Variants in ENOX1 observed in about 807,000 individuals in gnomAD.
The protein encoded by ENOX1 is candidate growth-related and time keeping constitutive hydroquinone (NADH) oxidase.
A neutral mutation model predicts 82.5 loss-of-function variants in ENOX1; 42 were observed. That is an observed-to-expected ratio of 0.51 (90% confidence interval 0.40 to 0.66). ENOX1 has a LOEUF of 0.66. ENOX1 is among the 30% of genes least tolerant of loss of function. ENOX1 has a pLI of 0.00. For synonymous variants in ENOX1, 271 were observed against 282.2 expected, an observed-to-expected ratio of 0.96 and a Z score of 0.40; for missense variants, 608 against 811.6, an observed-to-expected ratio of 0.75 and a Z score of 3.05.
At chr13:43,558,631 T>C (rs2079540816) in intron 2 of ENOX1, among the ~76,000 whole-genome samples, 2 of 152,194 alleles carry the variant, frequency 1.3e-5, no homozygotes, top group Admixed American at 6.5e-5. Flanking sequence ...AGGAGACACT[T>C]CTACATTTCA....
intron 2 of ENOX1, chr13:43,546,859 T>G (rs1339684031): frequency 2.0e-5 from 3 of 152,214 alleles, no homozygotes; most frequent in Non-Finnish European, 2.9e-5. Flanking sequence ...ATCTAAATTA[T>G]CCTTCTCACA....
chr13:43,250,453 T>C (rs1426760569), intron 14 of ENOX1, among the ~76,000 whole-genome samples: 1 of 152,246 alleles, frequency 6.6e-6, no homozygotes, highest in Non-Finnish European at 1.5e-5. Context: ...CATGTGGACT[T>C]GGATGGACCT....
chr13:43,412,720 A>G (rs1245841008), intron 4 of ENOX1, 125 bp downstream of exon 4: 9 of 1,058,336 alleles, frequency 8.5e-6, no homozygotes, highest in African/African-American at 1.6e-5. Context: ...CACTAGTTCT[A>G]CAGACTGATT....
chr13:43,465,445 G>A (rs549924789), intron 3 of ENOX1, among the ~76,000 whole-genome samples: 1 of 151,702 alleles, frequency 6.6e-6, no homozygotes, highest in South Asian at 2.1e-4. Flanking sequence ...TGTTTTTTGA[G>A]CACTTATTTT....
In ENOX1 at chr13:43,236,754, C is replaced by T; in HGVS notation, c.1612-16G>A. 6.6e-7 allele frequency: 1 copy of T among 1,503,924 alleles called. No individual in the cohort carries two copies. Among genetic ancestry groups the T allele is most frequent in the East Asian group, 2.4e-5 (1 of 42,240 alleles). 93.2% of individuals were successfully genotyped at this position (1,503,924 alleles called of 1,614,324 possible). A position where few individuals can be genotyped will look rare whatever the true frequency, so the allele number is the denominator to read the frequency against. ...CATTGATTTCCTATAAAGTTAAAAGCCAAAAACCATATATGGGTTTATGTA... is the reference window on the plus strand; with the variant it reads ...CATTGATTTCCTATAAAGTTAAAAGTCAAAAACCATATATGGGTTTATGTA... On this transcript the variant is annotated splice_polypyrimidine_tract_variant and intron_variant, in intron 14 of 16. Transcript: ENST00000690772.
chr13:43,774,318 G>C (rs1951801090), intron 1 of ENOX1, among the ~76,000 whole-genome samples: 2 of 152,194 alleles, frequency 1.3e-5, no homozygotes, highest in Non-Finnish European at 2.9e-5. Flanking sequence ...TCTTGAAAAA[G>C]GGTGTATAGA....
chr13:43,594,664 A>T (rs1431621630), intron 2 of ENOX1, among the ~76,000 whole-genome samples: 1 of 152,180 alleles, frequency 6.6e-6, no homozygotes, highest in Non-Finnish European at 1.5e-5. Flanking sequence ...TCCATTTTGT[A>T]AGTGAAAGAA....
chr13:43,370,529 G>A (rs2051166221), intron 5 of ENOX1, among the ~76,000 whole-genome samples: 1 of 152,130 alleles, frequency 6.6e-6, no homozygotes, highest in African/African-American at 2.4e-5. Context: ...AAGCTCATGT[G>A]TACTAAGTTA....
intron 1 of ENOX1, among the ~76,000 whole-genome samples, chr13:43,751,580 T>C (rs1298667405): frequency 2.0e-5 from 3 of 152,208 alleles, no homozygotes; most frequent in Non-Finnish European, 4.4e-5. Flanking sequence ...ATCTGCTTTC[T>C]AGAGAGTCAT....
At chr13:43,472,858 C>T (rs2058128640) in intron 3 of ENOX1, among the ~76,000 whole-genome samples, 1 of 152,130 alleles carries the variant, frequency 6.6e-6, no homozygotes, top group African/African-American at 2.4e-5. Flanking sequence ...AAGGTTAATA[C>T]TATTTACGTC....
chr13:43,774,988 C>A (rs150979594), intron 1 of ENOX1, among the ~76,000 whole-genome samples: 70 of 152,194 alleles, frequency 4.6e-4, no homozygotes, highest in African/African-American at 1.7e-3. Flanking sequence ...CCTGGGACTA[C>A]AGGTGCCTGC....
chr13:43,728,431 T>A (rs570822752), intron 1 of ENOX1, among the ~76,000 whole-genome samples: 5 of 152,276 alleles, frequency 3.3e-5, no homozygotes, highest in African/African-American at 9.6e-5. Flanking sequence ...CTGCAAGAAT[T>A]CATGGGGTGT....
At chr13:43,752,245 C>T (rs1228086137) in intron 1 of ENOX1, among the ~76,000 whole-genome samples, 2 of 152,076 alleles carry the variant, frequency 1.3e-5, no homozygotes, top group Non-Finnish European at 2.9e-5. Flanking sequence ...CTTATTATTA[C>T]ATTTTGAGAG....
intron 2 of ENOX1, among the ~76,000 whole-genome samples, chr13:43,533,313 T>C (rs908542137): frequency 6.6e-6 from 1 of 152,102 alleles, no homozygotes; most frequent in Non-Finnish European, 1.5e-5. Flanking sequence ...CCTGCTGAGT[T>C]TTTTTCTCCC....
At chr13:43,600,610 C>A (rs1465896501) in intron 2 of ENOX1, among the ~76,000 whole-genome samples, 1 of 152,162 alleles carries the variant, frequency 6.6e-6, no homozygotes, top group East Asian at 1.9e-4. Context: ...TCTGCCCTAA[C>A]AGGAAGAACA....
chr13:43,268,544 TA>T (rs1281290073), intron 13 of ENOX1, among the ~76,000 whole-genome samples: 1 of 152,088 alleles, frequency 6.6e-6, no homozygotes, highest in Non-Finnish European at 1.5e-5. Flanking sequence ...AGAAAATAAC[TA>T]AAAAGATATT....
intron 5 of ENOX1, among the ~76,000 whole-genome samples, chr13:43,372,299 A>G (rs1037389623): frequency 9.9e-5 from 15 of 152,240 alleles, no homozygotes; most frequent in African/African-American, 3.6e-4. Flanking sequence ...AATGAGGCTA[A>G]GAGGCACAAG....
At chr13:43,554,064 ATCTT>A (rs1443435304) in intron 2 of ENOX1, among the ~76,000 whole-genome samples, 2 of 152,214 alleles carry the variant, frequency 1.3e-5, no homozygotes, top group African/African-American at 2.4e-5. Flanking sequence ...ATCACAAAGT[ATCTT>A]TCTAAGTGCA....
intron 3 of ENOX1, among the ~76,000 whole-genome samples, chr13:43,481,495 C>A (rs1449405626): frequency 6.6e-6 from 1 of 151,986 alleles, no homozygotes; most frequent in East Asian, 1.9e-4. Context: ...TATTTTATAC[C>A]AGACACCAAA....
Sources: allele counts gnomAD v4.1 joint callset (sites outside exome capture counted in the v4.1 genomes callset), GRCh38; gene constraint gnomAD v4.1.1; transcripts MANE v1.5; gene names NCBI Gene and HGNC (gene_info 2026-07-23, HGNC 2026-07-21).